Variants in ACAN observed in about 807,000 individuals in gnomAD.
ACAN encodes the protein aggrecan core protein.
Under a neutral mutation model 169.1 loss-of-function variants are expected in ACAN, and 47 were observed. That is an observed-to-expected ratio of 0.28 (90% CI 0.22 to 0.35). The LOEUF (loss-of-function observed/expected upper bound fraction) is 0.35, where lower values mean the gene tolerates loss of function less well. ACAN is among the 10% of genes least tolerant of loss of function. ACAN has a pLI of 1.00. For synonymous variants in ACAN, 1,115 were observed against 1,112.2 expected, an observed-to-expected ratio of 1.00 and a Z score of -0.05; for missense variants, 2,716 against 2,759.9, an observed-to-expected ratio of 0.98 and a Z score of 0.36.
rs539954453 is a variant in ACAN at position 88,849,829 on chromosome 15, G to C, written c.2026+98G>C. ...CCACCACCCAGTATCCCATCCATCAGAGCAAGAAAATGTCAGTCCCTCTGG... is the reference window on the plus strand; with the variant it reads ...CCACCACCCAGTATCCCATCCATCACAGCAAGAAAATGTCAGTCCCTCTGG... On this transcript the variant is annotated intron_variant, in intron 10 of 18. Coordinates refer to ENST00000560601, the MANE Select transcript of ACAN (RefSeq NM_001369268.1). This position sits in a 1 kb window ranked among gnomAD's most constrained non-coding sequence, Gnocchi z 5.1. The C allele has an allele frequency of 6.7e-7, 1 of 1,500,464 alleles. No individual in the cohort carries two copies. The highest frequency in any genetic ancestry group is 9.1e-7 in the Non-Finnish European group (1 of 1,102,060). The allele number at this position is 1,500,464 out of a possible 1,614,324, so 92.9% of individuals were successfully genotyped here.
At position 88,841,779 on chromosome 15, in the gene ACAN, C is replaced by A; in HGVS notation, c.669C>A (p.Asp223Glu). The A allele has an allele frequency of 6.2e-7, 1 of 1,613,704 alleles. No homozygotes were observed. Among genetic ancestry groups the A allele is most frequent in the Non-Finnish European group, 8.5e-7 (1 of 1,179,814 alleles). Residue 223 changes from aspartate to glutamate, a missense_variant, in exon 5 of 19, where the codon GAC becomes GAA. By Grantham distance (45) the Asp-to-Glu change is conservative. Around this residue, in one of 3 missense-constraint regions of ACAN, gnomAD observed 1,283 missense variants for 1,281.5 expected, o/e 1.00. Coordinates refer to ENST00000560601, the MANE Select transcript of ACAN (RefSeq NM_001369268.1). ...IHTPREGCYG[D>E]KDEFPGVRTY... Reference sequence around the variant, plus strand: ...CTCCCCGGGAAGGCTGCTATGGAGACAAGGATGAGTTTCCTGGTGTGAGGA... The same window carrying A: ...CTCCCCGGGAAGGCTGCTATGGAGAAAAGGATGAGTTTCCTGGTGTGAGGA...
chr15:88,859,069 T>C lies in ACAN; in HGVS notation c.6484T>C (p.Ser2162Pro). ...STLTFQEGEA[S>P]AAPEVSGEST... ...TTTGACATTTCAAGAAGGCGAGGCG[T>C]CCGCTGCCCCAGAAGTGAGTGGAGA... The change falls in exon 12 of 19, where the codon TCC (serine) becomes CCC (proline). Residue 2162 changes from serine to proline, a missense_variant. By Grantham distance (74) the Ser-to-Pro change is moderately conservative. This residue lies in a region of ACAN where 1,389 missense variants were observed against 1,363.7 expected (regional missense o/e 1.02). Transcript: ENST00000560601. 6.2e-7 allele frequency: 1 copy of C among 1,613,856 alleles called. No individual in the cohort carries two copies.
At chr15:88,824,290 C>G (rs985085317) in intron 1 of ACAN, among the ~76,000 whole-genome samples, 1 of 147,462 alleles carries the variant, frequency 6.8e-6, no homozygotes, top group South Asian at 2.1e-4. Context: ...CGCCACTGCA[C>G]TCCCGGGTGA....
chr15:88,823,244 C>T (rs747713175), intron 1 of ACAN, among the ~76,000 whole-genome samples: 5 of 152,170 alleles, frequency 3.3e-5, no homozygotes, highest in African/African-American at 4.8e-5. Flanking sequence ...AAGGTACTTG[C>T]GCCTGCTGGA....
In ACAN at chr15:88,871,241, T is replaced by C; in HGVS notation, c.7061-141T>C. 1 of 1,228,772 alleles carries C rather than the reference T, an allele frequency of 8.1e-7. No individual in the cohort carries two copies. The highest frequency in any genetic ancestry group is 1.1e-6 in the Non-Finnish European group (1 of 885,370). The allele number at this position is 1,228,772 out of a possible 1,614,324, so 76.1% of individuals were successfully genotyped here. ...CAGACCAGTTTCCAACCTGAACTCC[T>C]CCAGCTGTGCCTCTCCCTTCCCTTG... On this transcript the variant is annotated intron_variant, in intron 14 of 18. Transcript: ENST00000560601. This position sits in a 1 kb window ranked among gnomAD's most constrained non-coding sequence, Gnocchi z 7.8.
rs775272723 is a variant in ACAN, at chr15:88,857,018, A to C, written c.4433A>C (p.Glu1478Ala). 6.2e-7 allele frequency: 1 copy of C among 1,613,354 alleles called. No homozygotes were observed. The highest frequency in any genetic ancestry group is 8.5e-7 in the Non-Finnish European group (1 of 1,179,454). Residue 1478 changes from glutamate (E) to alanine (A), a missense_variant, in exon 12 of 19, where the codon GAG becomes GCG. Glu to Ala is a moderately radical substitution (Grantham distance 107). This residue lies in a region of ACAN where 1,389 missense variants were observed against 1,363.7 expected (regional missense o/e 1.02). Coordinates refer to ENST00000560601, the MANE Select transcript of ACAN (RefSeq NM_001369268.1). ...CTTCCTTCTGGAGGAGAAGTTCTAG[A>C]GATTTCTGTCTCTGGAGTAGAGGAC... ...SGLPSGGEVL[E>A]ISVSGVEDIS...
At position 88,814,443 on chromosome 15, in the gene ACAN, T is replaced by G; in HGVS notation, c.-8+10634T>G. On this transcript the variant is annotated intron_variant, in intron 1 of 18. Transcript: ENST00000560601. This position sits in a 1 kb window ranked among gnomAD's most constrained non-coding sequence, Gnocchi z 4.0. ...TGCTCTTAAGATAGTCTTACCATCC[T>G]GGAGCAGAAAGGGGCCTCAGGAATG... Among the ~76,000 whole-genome samples the G allele has an allele frequency of 6.6e-6, 1 of 152,190 alleles. No individual in the cohort carries two copies. The highest frequency in any genetic ancestry group is 6.5e-5 in the Admixed American group (1 of 15,276).
At position 88,825,007 on chromosome 15, in the gene ACAN, G is replaced by A. The variant is rs770021404; in HGVS notation, c.-7-11193G>A. ...ACAGGCTAGAATGACAATGGCCAGC[G>A]AGGGAAAGATCCAGAAGTGTGTGCT... On this transcript the variant is annotated intron_variant, in intron 1 of 18. Coordinates refer to ENST00000560601, the MANE Select transcript of ACAN (RefSeq NM_001369268.1). 3.9e-4 allele frequency among the ~76,000 whole-genome samples: 60 copies of A among 152,292 alleles called. 1 individual carries two copies. Among genetic ancestry groups the A allele is most frequent in the Non-Finnish European group, 8.1e-4 (55 of 68,024 alleles).
Position 88,851,957 on chromosome 15 carries a change from A to G in ACAN, c.2190A>G (p.Leu730=), listed in dbSNP as rs1245145214. The G allele has an allele frequency of 4.3e-6, 7 of 1,612,340 alleles. No homozygotes were observed. Among genetic ancestry groups the G allele is most frequent in the Non-Finnish European group, 5.9e-6 (7 of 1,179,332 alleles). ...AVPSGETTAI[L]EFTTEPENQT... Reference sequence around the variant, plus strand: ...CCTCAGGGGAGACTACTGCCATCCTAGAGTTCACCACCGAGCCAGAAAACC... The same window carrying G: ...CCTCAGGGGAGACTACTGCCATCCTGGAGTTCACCACCGAGCCAGAAAACC... Residue 730 remains leucine, a synonymous_variant, in exon 11 of 19, where the codon CTA becomes CTG. Coordinates refer to ENST00000560601, the MANE Select transcript of ACAN (RefSeq NM_001369268.1). The surrounding 1 kb of genome is among the most constrained non-coding windows in gnomAD (Gnocchi z 4.3).
chr15:88,835,827 T>C (rs2141555572), intron 1 of ACAN, among the ~76,000 whole-genome samples: 1 of 152,246 alleles, frequency 6.6e-6, no homozygotes, highest in Non-Finnish European at 1.5e-5. Flanking sequence ...AATGTCAATC[T>C]CATCCAGAAA....
At chr15:88,845,477 C>A (rs1287188265) in intron 6 of ACAN, 28 bp from the exon 7 acceptor site, 5 of 1,573,358 alleles carry the variant, frequency 3.2e-6, no homozygotes, top group Non-Finnish European at 4.3e-6. Context: ...GGCTGAGAGG[C>A]TAAAGCTTGT....
chr15:88,816,146 T>C (rs1220388996), intron 1 of ACAN, among the ~76,000 whole-genome samples: 1 of 152,216 alleles, frequency 6.6e-6, no homozygotes, highest in Non-Finnish European at 1.5e-5. Flanking sequence ...TATATTGGAC[T>C]AAGGGGCCAT....
At chr15:88,826,591 C>G (rs1887277791) in intron 1 of ACAN, among the ~76,000 whole-genome samples, 3 of 151,956 alleles carry the variant, frequency 2.0e-5, no homozygotes, top group Non-Finnish European at 1.5e-5. Flanking sequence ...CAAAATGGAC[C>G]CTGTGTTACT....
chr15:88,863,099 T>C (rs1012542351), intron 13 of ACAN, among the ~76,000 whole-genome samples: 1 of 151,710 alleles, frequency 6.6e-6, no homozygotes, highest in Non-Finnish European at 1.5e-5. Context: ...ATTTGAATCC[T>C]CAGGGAAAAC....
At chr15:88,847,459 G>A in intron 8 of ACAN, 42 bp downstream of exon 8, 2 of 1,507,508 alleles carry the variant, frequency 1.3e-6, no homozygotes, top group Non-Finnish European at 1.8e-6. Context: ...CAATTGAAGA[G>A]GTCAGGCTTA....
chr15:88,862,391 C>A (rs929946340), intron 13 of ACAN, among the ~76,000 whole-genome samples: 1 of 152,224 alleles, frequency 6.6e-6, no homozygotes, highest in Non-Finnish European at 1.5e-5. Context: ...AGAACCGCTG[C>A]TGTGAGGGTG....
At chr15:88,825,073 C>G (rs760107012) in intron 1 of ACAN, among the ~76,000 whole-genome samples, 5 of 152,172 alleles carry the variant, frequency 3.3e-5, no homozygotes, top group Non-Finnish European at 5.9e-5. Context: ...AGGACAAAAT[C>G]AGCTCGTGTG....
chr15:88,806,783 T>TCTG (rs779568833), intron 1 of ACAN, among the ~76,000 whole-genome samples: 8 of 152,160 alleles, frequency 5.3e-5, no homozygotes, highest in Non-Finnish European at 8.8e-5. Context: ...TGAGTCTGTC[T>TCTG]CTGCTGCTGC....
intron 2 of ACAN, 65 bp downstream of exon 2, chr15:88,836,341 G>C: frequency 7.3e-7 from 1 of 1,375,982 alleles, no homozygotes; most frequent in South Asian, 1.2e-5. Flanking sequence ...TGAGTACTGG[G>C]TACTGAACCT....
Sources: allele counts gnomAD v4.1 joint callset (sites outside exome capture counted in the v4.1 genomes callset), GRCh38; gene constraint gnomAD v4.1.1; regional missense constraint gnomAD v4.1.1; non-coding constraint Gnocchi (gnomAD v3.1); transcripts MANE v1.5; gene names NCBI Gene and HGNC (gene_info 2026-07-23, HGNC 2026-07-21).